Variants in ULK4 observed in about 807,000 individuals in gnomAD.
ULK4 encodes inactive serine/threonine-protein kinase ULK4.
In ULK4, 133 loss-of-function variants were observed where a neutral mutation model predicts 160.6. That is an observed-to-expected ratio of 0.83 (90% confidence interval 0.72 to 0.96). The LOEUF (loss-of-function observed/expected upper bound fraction) is 0.96. Among genes scored for constraint, ULK4 ranks in the 40% least tolerant of loss-of-function variants. The probability of loss-of-function intolerance (pLI) is 0.00; values close to 1 mark genes in which losing one functional copy is unlikely to be tolerated. For missense variants in ULK4, 1,580 were observed against 1,499.5 expected (o/e 1.05, Z -0.89); for synonymous variants, 534 against 539.8 (o/e 0.99, Z 0.15).
intron 32 of ULK4, among the ~76,000 whole-genome samples, chr3:41,552,457 T>A (rs2087108856): frequency 2.0e-5 from 3 of 151,824 alleles, no homozygotes; most frequent in Admixed American, 2.0e-4. Context: ...TTTTATACAC[T>A]AATAATAAAC....
At chr3:41,762,541 C>T (rs573439517) in intron 21 of ULK4, among the ~76,000 whole-genome samples, 31 of 151,984 alleles carry the variant, frequency 2.0e-4, no homozygotes, top group African/African-American at 7.5e-4. Flanking sequence ...CTCACAGTTC[C>T]ACATGGCTAG....
At chr3:41,258,949 AAT>A (rs890454033) in intron 35 of ULK4, among the ~76,000 whole-genome samples, 13 of 149,094 alleles carry the variant, frequency 8.7e-5, no homozygotes, top group Admixed American at 6.7e-5. Context: ...ACATCTGTTG[AAT>A]ATATATATAT....
chr3:41,563,429 C>G (rs1233974701), intron 32 of ULK4, among the ~76,000 whole-genome samples: 2 of 152,152 alleles, frequency 1.3e-5, no homozygotes, highest in African/African-American at 4.8e-5. Context: ...GGGAAGTTCT[C>G]CTGGATAATA....
chr3:41,252,398 T>A (rs971452790), intron 35 of ULK4, among the ~76,000 whole-genome samples: 1 of 152,148 alleles, frequency 6.6e-6, no homozygotes, highest in Non-Finnish European at 1.5e-5. Flanking sequence ...TTGAAACAAG[T>A]ATTACAATAG....
chr3:41,810,682 T>C (rs1022704788), intron 19 of ULK4, among the ~76,000 whole-genome samples: 2 of 152,128 alleles, frequency 1.3e-5, no homozygotes, highest in African/African-American at 4.8e-5. Flanking sequence ...AATAAAGTTG[T>C]GGTTATATGT....
chr3:41,509,041 A>C (rs1451012284), intron 32 of ULK4, among the ~76,000 whole-genome samples: 1 of 152,152 alleles, frequency 6.6e-6, no homozygotes, highest in Non-Finnish European at 1.5e-5. Flanking sequence ...CATCAGAGAA[A>C]GGTGAACTCC....
Position 41,246,891 on chromosome 3 carries a change from G to A in ULK4, c.*38C>T. ...GACCTTGCTTATGCATCCGAGGGCT[G>A]GGGCCACAGGGCGGGCTTGTGCTAA... On this transcript the variant is annotated 3_prime_UTR_variant, in exon 37 of 37. Coordinates refer to ENST00000301831, the MANE Select transcript of ULK4 (RefSeq NM_017886.4). 1 of 1,607,934 alleles carries A rather than the reference G, an allele frequency of 6.2e-7. No homozygotes were observed. Among genetic ancestry groups the A allele is most frequent in the Non-Finnish European group, 8.5e-7 (1 of 1,176,926 alleles).
At chr3:41,325,817 G>A (rs1301548807) in intron 35 of ULK4, among the ~76,000 whole-genome samples, 2 of 152,002 alleles carry the variant, frequency 1.3e-5, no homozygotes, top group Non-Finnish European at 2.9e-5. Flanking sequence ...TACTCAGAAG[G>A]CTGAGGCAGG....
At chr3:41,587,148 G>A (rs190128521) in intron 31 of ULK4, among the ~76,000 whole-genome samples, 66 of 152,248 alleles carry the variant, frequency 4.3e-4, no homozygotes, top group African/African-American at 1.5e-3. Flanking sequence ...AGACTGAAGT[G>A]TCTGTTCTCT....
intron 32 of ULK4, among the ~76,000 whole-genome samples, chr3:41,470,018 G>GAAACAAAAAAAA (rs2083937872): frequency 2.2e-5 from 1 of 45,976 alleles, no homozygotes; most frequent in African/African-American, 8.8e-5. Context: ...AAACAGAACA[G>GAAACAAAAAAAA]AAAAAAAAAA....
At chr3:41,901,172 C>CTTTTTTT (rs201425733) in intron 12 of ULK4, among the ~76,000 whole-genome samples, 3 of 119,914 alleles carry the variant, frequency 2.5e-5, no homozygotes, top group East Asian at 2.2e-4. Flanking sequence ...AGCATGGCTT[C>CTTTTTTT]TTTTTTTTTT....
intron 18 of ULK4, among the ~76,000 whole-genome samples, chr3:41,823,845 T>C (rs1008079356): frequency 3.9e-5 from 6 of 152,154 alleles, no homozygotes; most frequent in South Asian, 2.1e-4. Context: ...TTTATTCAAA[T>C]AGCCTAGCTT....
intron 22 of ULK4, among the ~76,000 whole-genome samples, chr3:41,735,500 C>T (rs775237582): frequency 4.9e-4 from 75 of 152,174 alleles, no homozygotes; most frequent in Non-Finnish European, 6.2e-4. Context: ...TACTCCACTG[C>T]CTATTTCTAC....
chr3:41,320,897 A>T (rs1559523026), intron 35 of ULK4, among the ~76,000 whole-genome samples: 1 of 152,230 alleles, frequency 6.6e-6, no homozygotes, highest in Non-Finnish European at 1.5e-5. Context: ...AGCCTGGGTG[A>T]CAGAGTGACA....
chr3:41,543,700 T>G (rs1257364473), intron 32 of ULK4, among the ~76,000 whole-genome samples: 2 of 152,182 alleles, frequency 1.3e-5, no homozygotes, highest in African/African-American at 4.8e-5. Context: ...TGGCATACAT[T>G]TTTTCATAGT....
intron 30 of ULK4, among the ~76,000 whole-genome samples, chr3:41,653,006 G>T (rs1238334323): frequency 6.6e-6 from 1 of 152,090 alleles, no homozygotes; most frequent in Non-Finnish European, 1.5e-5. Flanking sequence ...CAATATCTTT[G>T]TACTCTGTAT....
chr3:41,542,968 T>C (rs2086745299), intron 32 of ULK4, among the ~76,000 whole-genome samples: 1 of 152,122 alleles, frequency 6.6e-6, no homozygotes, highest in Non-Finnish European at 1.5e-5. Context: ...CTGAGAAATC[T>C]ACTCAACTAC....
intron 32 of ULK4, among the ~76,000 whole-genome samples, chr3:41,506,616 T>C (rs2085380062): frequency 6.6e-6 from 1 of 151,452 alleles, no homozygotes; most frequent in Admixed American, 6.6e-5. Flanking sequence ...CATCAACTTC[T>C]CTGTTTATTT....
At chr3:41,803,321 A>G (rs1208587318) in intron 19 of ULK4, among the ~76,000 whole-genome samples, 1 of 152,172 alleles carries the variant, frequency 6.6e-6, no homozygotes, top group Non-Finnish European at 1.5e-5. Context: ...CACATGAAAC[A>G]TTACCAAGTT....
Sources: gnomAD v4.1 joint callset for allele counts (sites outside exome capture counted in the v4.1 genomes callset) on GRCh38, gnomAD v4.1.1 for gene constraint, MANE v1.5 for transcripts, NCBI Gene and HGNC (gene_info 2026-07-23, HGNC 2026-07-21) for gene names.